PRKG1: variants seen among roughly 807,000 people sequenced by gnomAD.
The protein encoded by PRKG1 is protein kinase cGMP-dependent 1.
PRKG1 carries 35 observed loss-of-function variants against 88.1 expected under a neutral mutation model. The ratio of observed to expected loss-of-function variants is 0.40; its 90% CI spans 0.30 to 0.53. PRKG1 has a LOEUF of 0.53. Among genes scored for constraint, PRKG1 ranks in the 20% least tolerant of loss-of-function variants. PRKG1 has a pLI of 0.59. For missense variants in PRKG1, 540 were observed against 839.8 expected (o/e 0.64, Z 4.41); for synonymous variants, 303 against 292.5 (o/e 1.04, Z -0.37).
chr10:51,126,167 ATTAT>A (rs1845402811), intron 1 of PRKG1, among the ~76,000 whole-genome samples: 1 of 119,328 alleles, frequency 8.4e-6, no homozygotes, highest in Non-Finnish European at 1.6e-5. Context: ...TTTATATGTA[ATTAT>A]TTATATATTT....
At chr10:51,275,947 AAAG>A (rs1268510784) in intron 2 of PRKG1, among the ~76,000 whole-genome samples, 5 of 152,088 alleles carry the variant, frequency 3.3e-5, no homozygotes, top group African/African-American at 1.2e-4. Flanking sequence ...AGCCTAAAGC[AAAG>A]AAGATGAAAT....
At chr10:52,264,731 TGTTTTAATGCTCTTCCTGA>T (rs1841530245) in intron 10 of PRKG1, among the ~76,000 whole-genome samples, 2 of 152,246 alleles carry the variant, frequency 1.3e-5, no homozygotes, top group African/African-American at 4.8e-5. Context: ...CCTTGAAGCC[TGTTTTAATGCTCTTCCTGA>T]GAAAGCTACT....
At chr10:51,407,634 A>C (rs1837958402) in intron 2 of PRKG1, among the ~76,000 whole-genome samples, 1 of 152,174 alleles carries the variant, frequency 6.6e-6, no homozygotes, top group Non-Finnish European at 1.5e-5. Flanking sequence ...TTCAGCAAGC[A>C]CCTCAACAGG....
intron 2 of PRKG1, among the ~76,000 whole-genome samples, chr10:51,464,657 C>T (rs1839837891): frequency 6.6e-6 from 1 of 151,682 alleles, no homozygotes; most frequent in South Asian, 2.1e-4. Context: ...TTTGGGAGGC[C>T]GAGGCGGGCG....
At chr10:51,793,566 A>G (rs1031011829) in intron 3 of PRKG1, among the ~76,000 whole-genome samples, 7 of 152,124 alleles carry the variant, frequency 4.6e-5, no homozygotes, top group Admixed American at 4.6e-4. Context: ...ATCAAATTCA[A>G]GCCAAATAAG....
rs1391531180 is a variant in PRKG1 at position 51,126,046 on chromosome 10, A to ATATATAAT, written c.312-27111_312-27104dup. On this transcript the variant is annotated intron_variant, in intron 1 of 17. Coordinates refer to ENST00000373980, the MANE Select transcript of PRKG1 (RefSeq NM_006258.4). ...TATATATAATTATATCTAATATACT[A>ATATATAAT]TATATAATTATATATAATATACTAC... 7.6e-4 allele frequency among the ~76,000 whole-genome samples: 94 copies of ATATATAAT among 123,168 alleles called. 1 individual carries two copies. The highest frequency in any genetic ancestry group is 2.9e-3 in the African/African-American group (88 of 30,454). The allele number at this position is 123,168 out of a possible 152,430, so 80.8% of individuals were successfully genotyped here. A position where few individuals can be genotyped will look rare whatever the true frequency, so the allele number is the denominator to read the frequency against.
chr10:52,242,597 T>C (rs1004237719), intron 9 of PRKG1, among the ~76,000 whole-genome samples: 3 of 152,108 alleles, frequency 2.0e-5, no homozygotes, highest in Non-Finnish European at 4.4e-5. Context: ...TGGACCTTTT[T>C]TAGAAAAAGA....
rs532096108 is a variant in PRKG1 at position 51,034,248 on chromosome 10, C to T, written c.266+42604C>T. Among the ~76,000 whole-genome samples the T allele has an allele frequency of 1.6e-4, 24 of 152,154 alleles. 1 individual carries two copies. The South Asian group carries it at 4.6e-3, about 29-fold the overall frequency. On this transcript the variant is annotated intron_variant, in intron 1 of 17. Transcript: ENST00000401604. ...TGAGTTTAAAAATGTGATCCTTGCTCAGTTTTTGAGCTGTAGTTGAAGAGT... is the reference window on the plus strand; with the variant it reads ...TGAGTTTAAAAATGTGATCCTTGCTTAGTTTTTGAGCTGTAGTTGAAGAGT...
intron 1 of PRKG1, among the ~76,000 whole-genome samples, chr10:51,031,656 C>G (rs910154777): frequency 1.3e-5 from 2 of 152,086 alleles, no homozygotes; most frequent in African/African-American, 4.8e-5. Flanking sequence ...AATACTGTGA[C>G]ACAATTTTAT....
At chr10:52,002,107 G>A (rs1049607395) in intron 5 of PRKG1, among the ~76,000 whole-genome samples, 3 of 152,074 alleles carry the variant, frequency 2.0e-5, no homozygotes, top group East Asian at 1.9e-4. Context: ...TTCTACATTT[G>A]TGATCAATTA....
At chr10:51,552,886 G>C (rs1837175998) in intron 3 of PRKG1, among the ~76,000 whole-genome samples, 1 of 151,550 alleles carries the variant, frequency 6.6e-6, no homozygotes, top group South Asian at 2.1e-4. Flanking sequence ...GCAGACTATA[G>C]ATACTGGAAA....
intron 2 of PRKG1, among the ~76,000 whole-genome samples, chr10:51,277,670 C>T (rs1840164646): frequency 6.6e-6 from 1 of 152,196 alleles, no homozygotes. Flanking sequence ...AGAGGTCCTT[C>T]ACATCCCTTG....
At chr10:51,287,702 TG>T (rs1840478082) in intron 2 of PRKG1, among the ~76,000 whole-genome samples, 1 of 152,134 alleles carries the variant, frequency 6.6e-6, no homozygotes, top group African/African-American at 2.4e-5. Flanking sequence ...AAGATTTAAA[TG>T]GGGAGAAGGG....
intron 1 of PRKG1, among the ~76,000 whole-genome samples, chr10:51,087,592 C>T (rs1389882179): frequency 6.6e-6 from 1 of 152,156 alleles, no homozygotes; most frequent in Non-Finnish European, 1.5e-5. Flanking sequence ...TAGCAGAAGT[C>T]TCTTGTGCAG....
chr10:51,525,813 G>A (rs1841869462), intron 3 of PRKG1, among the ~76,000 whole-genome samples: 1 of 151,140 alleles, frequency 6.6e-6, no homozygotes, highest in Non-Finnish European at 1.5e-5. Context: ...AAGTAGAGTA[G>A]CCATCACTCT....
intron 3 of PRKG1, among the ~76,000 whole-genome samples, chr10:51,715,039 T>C (rs1374475179): frequency 6.6e-6 from 1 of 152,196 alleles, no homozygotes; most frequent in Admixed American, 6.5e-5. Context: ...CATATATATA[T>C]ATGAGCTGTT....
At chr10:51,396,986 C>T (rs973709087) in intron 2 of PRKG1, among the ~76,000 whole-genome samples, 1 of 152,164 alleles carries the variant, frequency 6.6e-6, no homozygotes, top group African/African-American at 2.4e-5. Flanking sequence ...ATTTTAATTA[C>T]AGGCAGGATC....
intron 1 of PRKG1, among the ~76,000 whole-genome samples, chr10:51,081,523 C>G (rs1209026779): frequency 6.6e-6 from 1 of 152,142 alleles, no homozygotes; most frequent in African/African-American, 2.4e-5. Context: ...ATTGTATTGT[C>G]CCTTTGAAAT....
intron 4 of PRKG1, among the ~76,000 whole-genome samples, chr10:51,906,868 A>G (rs943036460): frequency 5.9e-5 from 9 of 152,150 alleles, no homozygotes; most frequent in Non-Finnish European, 1.2e-4. Flanking sequence ...AAATACTTCA[A>G]TTTCTTTCAG....
Sources: allele counts gnomAD v4.1 joint callset (sites outside exome capture counted in the v4.1 genomes callset), GRCh38; gene constraint gnomAD v4.1.1; transcripts MANE v1.5; gene names NCBI Gene and HGNC (gene_info 2026-07-23, HGNC 2026-07-21).